Variants in ZBTB7C observed in about 807,000 individuals in gnomAD.
ZBTB7C encodes zinc finger and BTB domain containing 7C.
A neutral mutation model predicts 25.7 loss-of-function variants in ZBTB7C; 8 were observed. That is an observed-to-expected ratio of 0.31 (90% CI 0.18 to 0.56). The LOEUF (loss-of-function observed/expected upper bound fraction) is 0.56. Ranked by LOEUF, ZBTB7C falls within the 20% of genes least tolerant of loss-of-function variation. ZBTB7C has a pLI of 0.91. For missense variants in ZBTB7C, 824 were observed against 855.2 expected (o/e 0.96, Z 0.46); for synonymous variants, 394 against 369.0 (o/e 1.07, Z -0.78).
At chr18:48,266,977 T>G (rs1348124019) in intron 2 of ZBTB7C, among the ~76,000 whole-genome samples, 1 of 152,182 alleles carries the variant, frequency 6.6e-6, no homozygotes, top group Non-Finnish European at 1.5e-5. Flanking sequence ...TTTAAAGGAT[T>G]ACATAGCACT....
At chr18:48,145,885 T>C (rs1598967116) in intron 3 of ZBTB7C, among the ~76,000 whole-genome samples, 2 of 152,222 alleles carry the variant, frequency 1.3e-5, no homozygotes, top group African/African-American at 2.4e-5. Flanking sequence ...CTCAGAAATA[T>C]AGAAACTAAT....
intron 2 of ZBTB7C, among the ~76,000 whole-genome samples, chr18:48,314,048 C>T (rs962380828): frequency 6.6e-6 from 1 of 152,176 alleles, no homozygotes; most frequent in Non-Finnish European, 1.5e-5. Context: ...AGGCCAGCAC[C>T]GTGCTTCCTG....
At chr18:48,393,876 T>C (rs2047958189) in intron 1 of ZBTB7C, among the ~76,000 whole-genome samples, 1 of 151,960 alleles carries the variant, frequency 6.6e-6, no homozygotes, top group Non-Finnish European at 1.5e-5. Context: ...AGGCATAGAG[T>C]GCCTAATCTT....
intron 1 of ZBTB7C, among the ~76,000 whole-genome samples, chr18:48,349,431 G>A (rs974420922): frequency 6.6e-6 from 1 of 152,162 alleles, no homozygotes; most frequent in African/African-American, 2.4e-5. Flanking sequence ...GTTTTAGGGA[G>A]TCCCTATAAT....
intron 3 of ZBTB7C, among the ~76,000 whole-genome samples, chr18:48,166,724 C>T (rs1426365848): frequency 6.6e-6 from 1 of 152,190 alleles, no homozygotes; most frequent in Non-Finnish European, 1.5e-5. Context: ...GGCCTGGGCA[C>T]TACACTGCCA....
intron 3 of ZBTB7C, among the ~76,000 whole-genome samples, chr18:48,154,334 G>A (rs2040768851): frequency 6.6e-6 from 1 of 152,218 alleles, no homozygotes; most frequent in South Asian, 2.1e-4. Flanking sequence ...TACCTGAGCG[G>A]GGGAGGAGTG....
chr18:48,130,339 AGCTCTGGGG>A (rs771008265), intron 3 of ZBTB7C, among the ~76,000 whole-genome samples: 5 of 152,168 alleles, frequency 3.3e-5, no homozygotes, highest in Non-Finnish European at 7.3e-5. Context: ...AGAGGAGCAA[AGCTCTGGGG>A]GCTTTAAGGG....
At chr18:48,219,739 T>A (rs539719437) in intron 2 of ZBTB7C, among the ~76,000 whole-genome samples, 1 of 152,242 alleles carries the variant, frequency 6.6e-6, no homozygotes, top group African/African-American at 2.4e-5. Context: ...GAGTCTTGCA[T>A]GCTGCATCTC....
intron 1 of ZBTB7C, among the ~76,000 whole-genome samples, chr18:48,340,117 C>T (rs1162424029): frequency 1.3e-5 from 2 of 152,222 alleles, no homozygotes; most frequent in African/African-American, 2.4e-5. Flanking sequence ...GCCCATTTGA[C>T]GAAAGATCTC....
chr18:48,177,556 T>C (rs1290659555), intron 3 of ZBTB7C, among the ~76,000 whole-genome samples: 1 of 152,162 alleles, frequency 6.6e-6, no homozygotes, highest in African/African-American at 2.4e-5. Flanking sequence ...CAGGAGGGTG[T>C]GTGCGTGTGT....
intron 3 of ZBTB7C, chr18:48,077,077 A>G (rs1188577392): frequency 2.7e-6 from 2 of 728,406 alleles, no homozygotes; most frequent in African/African-American, 4.0e-5. Context: ...AAAAAAAAAA[A>G]AAGCATTTCC....
At chr18:48,367,666 C>T (rs1568404749) in intron 1 of ZBTB7C, among the ~76,000 whole-genome samples, 2 of 152,040 alleles carry the variant, frequency 1.3e-5, no homozygotes, top group South Asian at 2.1e-4. Context: ...AACACTGCGG[C>T]CCACCCTCCC....
chr18:48,319,324 T>C (rs1387217314), intron 2 of ZBTB7C, among the ~76,000 whole-genome samples: 1 of 152,162 alleles, frequency 6.6e-6, no homozygotes, highest in Non-Finnish European at 1.5e-5. Context: ...TTAAGCCATA[T>C]GGGTGTGATC....
chr18:48,365,942 G>A (rs1292123851), intron 1 of ZBTB7C, among the ~76,000 whole-genome samples: 3 of 152,146 alleles, frequency 2.0e-5, no homozygotes, highest in Non-Finnish European at 4.4e-5. Context: ...GCAGTCAGAG[G>A]GGCTTCCTAT....
At chr18:48,305,315 A>G (rs2045646727) in intron 2 of ZBTB7C, among the ~76,000 whole-genome samples, 1 of 152,150 alleles carries the variant, frequency 6.6e-6, no homozygotes, top group South Asian at 2.1e-4. Flanking sequence ...TTCCAAAACA[A>G]AAGGTTAAAT....
chr18:48,357,871 C>T (rs761289247), intron 1 of ZBTB7C, among the ~76,000 whole-genome samples: 82 of 152,312 alleles, frequency 5.4e-4, no homozygotes, highest in Middle Eastern at 6.8e-3. Flanking sequence ...TGTTACACAG[C>T]GGATAAAGTT....
intron 2 of ZBTB7C, among the ~76,000 whole-genome samples, chr18:48,281,763 A>T (rs2044859158): frequency 6.6e-6 from 1 of 151,748 alleles, no homozygotes; most frequent in African/African-American, 2.4e-5. Context: ...ACAAGGAGAT[A>T]CCATCTCACA....
intron 2 of ZBTB7C, among the ~76,000 whole-genome samples, chr18:48,317,257 C>CAAAAA (rs71165318): frequency 5.8e-5 from 4 of 69,442 alleles, no homozygotes; most frequent in African/African-American, 2.3e-4. Flanking sequence ...AACTCCGTCT[C>CAAAAA]AAAAAAAAAA....
chr18:48,118,248 C>T (rs1337980496), intron 3 of ZBTB7C, among the ~76,000 whole-genome samples: 4 of 152,076 alleles, frequency 2.6e-5, no homozygotes, highest in Non-Finnish European at 2.9e-5. Flanking sequence ...TCAAGTGATC[C>T]GCCTGCCTCA....
Sources: gnomAD v4.1 joint callset for allele counts (sites outside exome capture counted in the v4.1 genomes callset) on GRCh38, gnomAD v4.1.1 for gene constraint, MANE v1.5 for transcripts, NCBI Gene and HGNC (gene_info 2026-07-23, HGNC 2026-07-21) for gene names.